Variants in COMMD1 observed in about 807,000 individuals in gnomAD.
COMMD1 encodes the protein copper metabolism domain containing 1.
A neutral mutation model predicts 17.2 loss-of-function variants in COMMD1; 10 were observed. The ratio of observed to expected loss-of-function variants is 0.58; its 90% CI spans 0.36 to 0.99. The LOEUF is 0.99. Ranked by LOEUF, COMMD1 falls within the 50% of genes least tolerant of loss-of-function variation. The pLI, the probability that COMMD1 is intolerant of heterozygous loss-of-function variation, is 0.01. For synonymous variants in COMMD1, 97 were observed against 91.6 expected, an observed-to-expected ratio of 1.06 and a Z score of -0.34; for missense variants, 270 against 231.8, an observed-to-expected ratio of 1.17 and a Z score of -1.07.
chr2:62,084,658 T>C (rs1573163370), intron 2 of COMMD1, among the ~76,000 whole-genome samples: 1 of 152,222 alleles, frequency 6.6e-6, no homozygotes, highest in Admixed American at 6.5e-5. Context: ...GGTAAAAATA[T>C]GTCACCATCA....
chr2:62,023,834 A>G (rs975146121), intron 2 of COMMD1, among the ~76,000 whole-genome samples: 2 of 152,152 alleles, frequency 1.3e-5, no homozygotes, highest in African/African-American at 4.8e-5. Context: ...AATGTCCAAT[A>G]ATAGGGAATG....
intron 1 of COMMD1, among the ~76,000 whole-genome samples, chr2:61,969,919 A>T (rs1441919855): frequency 5.3e-5 from 8 of 151,606 alleles, no homozygotes; most frequent in African/African-American, 1.7e-4. Context: ...AATATTAAAA[A>T]CCTCCGATGT....
At chr2:61,952,978 T>C (rs1168293747) in intron 1 of COMMD1, among the ~76,000 whole-genome samples, 1 of 152,236 alleles carries the variant, frequency 6.6e-6, no homozygotes, top group African/African-American at 2.4e-5. Context: ...TTCAGTTCTT[T>C]GACCTCCTTG....
intron 2 of COMMD1, among the ~76,000 whole-genome samples, chr2:62,112,759 G>C (rs528006897): frequency 1.3e-5 from 2 of 152,132 alleles, no homozygotes; most frequent in African/African-American, 4.8e-5. Flanking sequence ...AATAGTAGTG[G>C]GGACATATCT....
At chr2:61,942,793 C>A (rs1670788290) in intron 1 of COMMD1, among the ~76,000 whole-genome samples, 1 of 152,126 alleles carries the variant, frequency 6.6e-6, no homozygotes. Flanking sequence ...CCGCCTCAGC[C>A]TCCCAAAGTG....
chr2:62,059,313 C>A (rs1670791897), intron 2 of COMMD1, among the ~76,000 whole-genome samples: 1 of 150,990 alleles, frequency 6.6e-6, no homozygotes, highest in Non-Finnish European at 1.5e-5. Context: ...AGCCATGGCA[C>A]CTGGCTAATT....
chr2:62,049,167 A>G (rs1670468350), intron 2 of COMMD1, among the ~76,000 whole-genome samples: 1 of 151,394 alleles, frequency 6.6e-6, no homozygotes, highest in African/African-American at 2.4e-5. Context: ...GAAGCTTATC[A>G]TGGACCAGAA....
At chr2:61,931,200 T>C (rs1670457931) in intron 1 of COMMD1, among the ~76,000 whole-genome samples, 1 of 152,072 alleles carries the variant, frequency 6.6e-6, no homozygotes, top group African/African-American at 2.4e-5. Flanking sequence ...TAGTCCTAGC[T>C]ACTCAGGAGG....
intron 2 of COMMD1, among the ~76,000 whole-genome samples, chr2:62,111,120 T>C (rs10186506): frequency 0.34 from 51,661 of 152,026 alleles, 8,816 homozygotes; most frequent in Admixed American, 0.38. Flanking sequence ...ATGGAGATTT[T>C]CTTTATAGAT....
intron 1 of COMMD1, among the ~76,000 whole-genome samples, chr2:61,934,770 C>G (rs1363635198): frequency 3.3e-5 from 5 of 152,228 alleles, no homozygotes; most frequent in Non-Finnish European, 5.9e-5. Flanking sequence ...TTCTCTCAAC[C>G]CTCATTGGTT....
intron 1 of COMMD1, among the ~76,000 whole-genome samples, chr2:61,985,892 A>G (rs1411297759): frequency 6.6e-6 from 1 of 152,012 alleles, no homozygotes; most frequent in Non-Finnish European, 1.5e-5. Flanking sequence ...TCTACTCACA[A>G]TATGAGTAGT....
At chr2:62,031,686 A>G (rs1669911143) in intron 2 of COMMD1, among the ~76,000 whole-genome samples, 1 of 152,186 alleles carries the variant, frequency 6.6e-6, no homozygotes, top group Non-Finnish European at 1.5e-5. Flanking sequence ...TGTTTTCATG[A>G]TGCTAGATTT....
chr2:61,897,817 G>GT (rs1045714904), intron 1 of COMMD1, among the ~76,000 whole-genome samples: 3 of 152,018 alleles, frequency 2.0e-5, no homozygotes, highest in Non-Finnish European at 2.9e-5. Flanking sequence ...GGCCCTGTCT[G>GT]TTTTTTCAGA....
At chr2:62,090,980 A>G (rs1671810262) in intron 2 of COMMD1, among the ~76,000 whole-genome samples, 1 of 152,350 alleles carries the variant, frequency 6.6e-6, no homozygotes, top group African/African-American at 2.4e-5. Flanking sequence ...GTTTAAGGTC[A>G]CATTTACCGT....
chr2:62,107,954 C>T (rs1345990432), intron 2 of COMMD1, among the ~76,000 whole-genome samples: 4 of 152,056 alleles, frequency 2.6e-5, no homozygotes, highest in East Asian at 3.8e-4. Flanking sequence ...TTTTTCCCAC[C>T]TATGCCCTAT....
intron 1 of COMMD1, among the ~76,000 whole-genome samples, chr2:61,944,978 A>T (rs148680786): frequency 6.6e-6 from 1 of 152,194 alleles, no homozygotes; most frequent in Non-Finnish European, 1.5e-5. Flanking sequence ...ATTTTAGCCA[A>T]TTCGGAGGCC....
At chr2:61,979,076 G>A (rs1283769617) in intron 1 of COMMD1, among the ~76,000 whole-genome samples, 1 of 151,266 alleles carries the variant, frequency 6.6e-6, no homozygotes, top group African/African-American at 2.4e-5. Context: ...CTATATTTTT[G>A]TACCCATTAG....
intron 2 of COMMD1, among the ~76,000 whole-genome samples, chr2:62,127,387 A>G (rs1287842872): frequency 1.3e-5 from 2 of 152,242 alleles, no homozygotes; most frequent in Admixed American, 6.5e-5. Context: ...TTTAAAATTC[A>G]TATGGAACCA....
chr2:62,008,363 C>CAG (rs112571097), intron 2 of COMMD1, among the ~76,000 whole-genome samples: 58 of 115,092 alleles, frequency 5.0e-4, no homozygotes, highest in African/African-American at 2.7e-3. Context: ...CACAGACAGA[C>CAG]ACACACACAC....
Sources: allele counts gnomAD v4.1 joint callset (sites outside exome capture counted in the v4.1 genomes callset), GRCh38; gene constraint gnomAD v4.1.1; transcripts MANE v1.5; gene names NCBI Gene and HGNC (gene_info 2026-07-23, HGNC 2026-07-21).